The following DPYD variants were observed in gnomAD, a reference collection of about 807,000 sequenced individuals.
DPYD encodes dihydropyrimidine dehydrogenase [NADP(+)].
Under a neutral mutation model 116.2 loss-of-function variants are expected in DPYD, and 109 were observed. That is an observed-to-expected ratio of 0.94 (90% CI 0.80 to 1.10). DPYD has a LOEUF of 1.10. Among genes scored for constraint, DPYD ranks in the 50% least tolerant of loss-of-function variants. The probability of loss-of-function intolerance (pLI) is 0.00; values close to 1 mark genes in which losing one functional copy is unlikely to be tolerated. For synonymous variants in DPYD, 440 were observed against 432.0 expected, an observed-to-expected ratio of 1.02 and a Z score of -0.23; for missense variants, 1,302 against 1,254.5, an observed-to-expected ratio of 1.04 and a Z score of -0.57.
chr1:97,817,632 A>T (rs1456787640), intron 3 of DPYD, among the ~76,000 whole-genome samples: 1 of 152,098 alleles, frequency 6.6e-6, no homozygotes, highest in African/African-American at 2.4e-5. Context: ...CTATTCTATT[A>T]GTCTTCTTTA....
At chr1:97,400,635 A>G (rs1023745129) in intron 14 of DPYD, among the ~76,000 whole-genome samples, 3 of 151,966 alleles carry the variant, frequency 2.0e-5, no homozygotes, top group African/African-American at 2.4e-5. Flanking sequence ...GAGCCTGTTA[A>G]TGGTCTATTC....
At chr1:97,652,683 T>C (rs1463624124) in intron 8 of DPYD, among the ~76,000 whole-genome samples, 1 of 152,192 alleles carries the variant, frequency 6.6e-6, no homozygotes, top group Non-Finnish European at 1.5e-5. Context: ...GACATTTCTA[T>C]TGCAGTATTT....
At chr1:97,546,937 G>A (rs1303325539) in intron 12 of DPYD, 5 of 1,607,212 alleles carry the variant, frequency 3.1e-6, no homozygotes, top group Admixed American at 1.7e-5. Context: ...TGAGGAAGAA[G>A]AGGAGGAAGA....
chr1:97,740,299 T>G, intron 4 of DPYD, 93 bp downstream of exon 4: 1 of 1,068,280 alleles, frequency 9.4e-7, no homozygotes, highest in Non-Finnish European at 1.4e-6. Flanking sequence ...TTTAACTGGA[T>G]TTGCTAAGAC....
At chr1:97,242,558 G>T (rs1662447509) in intron 18 of DPYD, among the ~76,000 whole-genome samples, 2 of 151,306 alleles carry the variant, frequency 1.3e-5, no homozygotes. Context: ...TGCAGTAAAG[G>T]GATTGAAGAC....
chr1:97,369,564 C>T (rs1023495436), intron 16 of DPYD, among the ~76,000 whole-genome samples: 3 of 152,150 alleles, frequency 2.0e-5, no homozygotes, highest in Admixed American at 6.5e-5. Flanking sequence ...TCGAGGGCCT[C>T]TGCCTTGTGA....
At chr1:97,127,740 G>C (rs547671426) in intron 20 of DPYD, among the ~76,000 whole-genome samples, 5 of 152,216 alleles carry the variant, frequency 3.3e-5, no homozygotes, top group African/African-American at 1.2e-4. Flanking sequence ...GTTATTTTGA[G>C]ACCTTTGACA....
At chr1:97,238,506 T>C (rs527352382) in intron 18 of DPYD, among the ~76,000 whole-genome samples, 7 of 152,256 alleles carry the variant, frequency 4.6e-5, no homozygotes, top group African/African-American at 1.7e-4. Context: ...TTTTTAGTTT[T>C]AAAATGACAG....
At chr1:97,659,378 A>C (rs916959950) in intron 8 of DPYD, among the ~76,000 whole-genome samples, 1 of 152,154 alleles carries the variant, frequency 6.6e-6, no homozygotes, top group South Asian at 2.1e-4. Flanking sequence ...TTCAATGATA[A>C]TTTTTAGATT....
chr1:97,720,234 T>G, intron 5 of DPYD: 1 of 984,876 alleles, frequency 1.0e-6, no homozygotes, highest in Non-Finnish European at 1.2e-6. Flanking sequence ...ATGATATCAT[T>G]TTAATTCATT....
At chr1:97,336,935 A>G (rs1412935328) in intron 16 of DPYD, among the ~76,000 whole-genome samples, 1 of 152,172 alleles carries the variant, frequency 6.6e-6, no homozygotes, top group Non-Finnish European at 1.5e-5. Context: ...GAAGTTATAA[A>G]TAAGGTCAAA....
intron 14 of DPYD, among the ~76,000 whole-genome samples, chr1:97,444,824 C>T (rs1236728161): frequency 2.0e-5 from 3 of 152,108 alleles, no homozygotes. Context: ...AATCCATAAA[C>T]TTGGGTGAGA....
intron 19 of DPYD, among the ~76,000 whole-genome samples, chr1:97,225,188 G>C (rs1158172988): frequency 6.6e-6 from 1 of 151,922 alleles, no homozygotes; most frequent in South Asian, 2.1e-4. Flanking sequence ...TTTCCATAAT[G>C]GCTGCACCAA....
intron 19 of DPYD, among the ~76,000 whole-genome samples, chr1:97,217,166 C>T (rs952969848): frequency 6.6e-6 from 1 of 152,156 alleles, no homozygotes; most frequent in African/African-American, 2.4e-5. Flanking sequence ...CGAGATCATG[C>T]CACTGCACTC....
At chr1:97,245,890 A>G (rs1662685895) in intron 18 of DPYD, among the ~76,000 whole-genome samples, 1 of 152,096 alleles carries the variant, frequency 6.6e-6, no homozygotes, top group Non-Finnish European at 1.5e-5. Context: ...TTTCACTCTC[A>G]GCAACACATT....
chr1:97,475,860 A>C (rs930556370), intron 13 of DPYD, among the ~76,000 whole-genome samples: 1 of 152,210 alleles, frequency 6.6e-6, no homozygotes, highest in Non-Finnish European at 1.5e-5. Context: ...TAACTCAAAA[A>C]GTTAATACCT....
intron 18 of DPYD, among the ~76,000 whole-genome samples, chr1:97,256,865 T>A (rs899906656): frequency 6.6e-6 from 1 of 152,118 alleles, no homozygotes; most frequent in Non-Finnish European, 1.5e-5. Flanking sequence ...TTGGAACATA[T>A]GATGTAAAAT....
chr1:97,179,510 A>G (rs1299396336), intron 20 of DPYD, among the ~76,000 whole-genome samples: 1 of 152,148 alleles, frequency 6.6e-6, no homozygotes, highest in Non-Finnish European at 1.5e-5. Context: ...TAGGGAAGAC[A>G]AACGAAATGC....
At chr1:97,379,949 C>T (rs1671851941) in intron 15 of DPYD, among the ~76,000 whole-genome samples, 1 of 152,178 alleles carries the variant, frequency 6.6e-6, no homozygotes, top group African/African-American at 2.4e-5. Context: ...AAGTTGTGGC[C>T]AGCTCTGGAA....
Sources: gnomAD v4.1 joint callset for allele counts (sites outside exome capture counted in the v4.1 genomes callset) on GRCh38, gnomAD v4.1.1 for gene constraint, MANE v1.5 for transcripts, NCBI Gene and HGNC (gene_info 2026-07-23, HGNC 2026-07-21) for gene names.